DNAH11: variants seen among roughly 807,000 people sequenced by gnomAD.
DNAH11 encodes dynein axonemal heavy chain 11, also known as axonemal beta dynein heavy chain 11.
A neutral mutation model predicts 526.0 loss-of-function variants in DNAH11; 442 were observed. That is an observed-to-expected ratio of 0.84 (90% confidence interval 0.78 to 0.91). The LOEUF (loss-of-function observed/expected upper bound fraction) is 0.91, where lower values mean the gene tolerates loss of function less well. Among genes scored for constraint, DNAH11 ranks in the 40% least tolerant of loss-of-function variants. The pLI is 0.00. For synonymous variants in DNAH11, 2,461 were observed against 1,935.9 expected (o/e 1.27, Z -7.12); for missense variants, 6,989 against 5,448.7 (o/e 1.28, Z -8.90).
At chr7:21,631,103 C>T (rs1479607013) in intron 25 of DNAH11, among the ~76,000 whole-genome samples, 3 of 152,200 alleles carry the variant, frequency 2.0e-5, no homozygotes, top group Admixed American at 6.5e-5. Context: ...AGGCTTGTCT[C>T]ACATGGCAGC....
Position 21,868,015 on chromosome 7 carries a change from GC to G in DNAH11, c.11839+9del, listed in dbSNP as rs764375989. The G allele has an allele frequency of 1.3e-5, 20 of 1,511,318 alleles. No homozygotes were observed. In the East Asian group the frequency reaches 4.5e-4, roughly 34 times the overall value. 93.6% of individuals were successfully genotyped at this position (1,511,318 alleles called of 1,614,324 possible). On this transcript the variant is annotated intron_variant, in intron 72 of 81. Coordinates refer to ENST00000409508, the MANE Select transcript of DNAH11 (RefSeq NM_001277115.2). ...AAGACCTGGAGATTCTTGGTGAGTGGCTGGGAGGCTCGCTGGCCCGCCCCTT... is the reference window on the plus strand; with the variant it reads ...AAGACCTGGAGATTCTTGGTGAGTGGTGGGAGGCTCGCTGGCCCGCCCCTT...
At position 21,866,678 on chromosome 7, in the gene DNAH11, A is replaced by G. The variant is rs896308961; in HGVS notation, c.11690+15A>G. On this transcript the variant is annotated intron_variant, in intron 71 of 81. Transcript: ENST00000409508. ...TATGCTCTCAGGTGGGGTGGTCAGCATTTTTGGAAACATGTATTAGTTAAC... is the reference window on the plus strand; with the variant it reads ...TATGCTCTCAGGTGGGGTGGTCAGCGTTTTTGGAAACATGTATTAGTTAAC... 1.4e-5 allele frequency: 22 copies of G among 1,595,086 alleles called. No homozygotes were observed. Among genetic ancestry groups the G allele is most frequent in the Non-Finnish European group, 1.9e-5 (22 of 1,171,622 alleles).
At chr7:21,859,900 A>C (rs1782993347) in intron 68 of DNAH11, among the ~76,000 whole-genome samples, 1 of 152,158 alleles carries the variant, frequency 6.6e-6, no homozygotes, top group Non-Finnish European at 1.5e-5. Context: ...CGACAACAAA[A>C]CACAGCAAAT....
At chr7:21,593,534 G>A (rs1177070930) in intron 14 of DNAH11, among the ~76,000 whole-genome samples, 2 of 150,764 alleles carry the variant, frequency 1.3e-5, no homozygotes, top group East Asian at 4.1e-4. Flanking sequence ...AGTAATCTAG[G>A]AAGGAGAAAA....
chr7:21,593,643 A>G (rs1169887303), intron 14 of DNAH11, among the ~76,000 whole-genome samples: 1 of 152,136 alleles, frequency 6.6e-6, no homozygotes, highest in Non-Finnish European at 1.5e-5. Flanking sequence ...GTAGTACAGG[A>G]TGGAGGGAAG....
chr7:21,686,322 C>T (rs915681535), intron 32 of DNAH11, among the ~76,000 whole-genome samples: 1 of 152,134 alleles, frequency 6.6e-6, no homozygotes, highest in Non-Finnish European at 1.5e-5. Flanking sequence ...CGTCTCCTGA[C>T]CTCCATGTGT....
chr7:21,625,367 T>C (rs1245185627), intron 25 of DNAH11, among the ~76,000 whole-genome samples: 1 of 152,152 alleles, frequency 6.6e-6, no homozygotes, highest in Non-Finnish European at 1.5e-5. Context: ...TAATAACTCT[T>C]CTTTCATTTC....
intron 79 of DNAH11, among the ~76,000 whole-genome samples, chr7:21,895,891 G>A (rs916197866): frequency 6.6e-6 from 1 of 152,048 alleles, no homozygotes; most frequent in African/African-American, 2.4e-5. Context: ...CACCACATCC[G>A]GTTAATTTTT....
chr7:21,580,231 G>A (rs1004164481), intron 8 of DNAH11, among the ~76,000 whole-genome samples: 13 of 152,138 alleles, frequency 8.5e-5, no homozygotes, highest in Admixed American at 2.6e-4. Flanking sequence ...TTCAGTTAAT[G>A]TTTTGTGACC....
At chr7:21,550,817 T>A (rs911424379) in intron 2 of DNAH11, among the ~76,000 whole-genome samples, 7 of 152,194 alleles carry the variant, frequency 4.6e-5, no homozygotes, top group Non-Finnish European at 1.0e-4. Context: ...GGGAAAGGCT[T>A]CCACCCAGCC....
At chr7:21,597,967 G>T (rs1026643254) in intron 14 of DNAH11, among the ~76,000 whole-genome samples, 1 of 152,100 alleles carries the variant, frequency 6.6e-6, no homozygotes, top group African/African-American at 2.4e-5. Flanking sequence ...GTTCCACCTG[G>T]CTGGTAGGCA....
At chr7:21,788,701 C>G (rs1788301200) in intron 60 of DNAH11, among the ~76,000 whole-genome samples, 1 of 152,050 alleles carries the variant, frequency 6.6e-6, no homozygotes, top group Non-Finnish European at 1.5e-5. Flanking sequence ...TGGATATCTC[C>G]CACCCTCCTT....
Position 21,544,136 on chromosome 7 carries a change from C to T in DNAH11, c.351+540C>T, listed in dbSNP as rs1053877385. Among the ~76,000 whole-genome samples, 11 of 152,290 alleles carry T rather than the reference C, an allele frequency of 7.2e-5. No individual in the cohort carries two copies. In the Middle Eastern group the frequency reaches 0.01, roughly 141 times the overall value. The stretch of plus-strand genomic sequence containing the variant: ...AACATTTAGAGGGAACAGTTCCCTC[C>T]TTTCTTCTTTTTCTTCCTTTTCTTT... On this transcript the variant is annotated intron_variant, in intron 1 of 81. Coordinates refer to ENST00000409508, the MANE Select transcript of DNAH11 (RefSeq NM_001277115.2).
At chr7:21,772,696 T>C (rs553019777) in intron 55 of DNAH11, among the ~76,000 whole-genome samples, 3 of 152,336 alleles carry the variant, frequency 2.0e-5, no homozygotes, top group East Asian at 3.9e-4. Flanking sequence ...TTATTTCAGT[T>C]ACTAGTGAGA....
rs558590370 is a variant in DNAH11 at position 21,583,039 on chromosome 7, C to T, written c.1710+1018C>T. ...AAGTAATTTATAGATTCAATGCTAT[C>T]CCCATCAAGCTACCACTGACTTTCT... On this transcript the variant is annotated intron_variant, in intron 9 of 81. Transcript: ENST00000409508. Among the ~76,000 whole-genome samples, 36 of 152,238 alleles carry T rather than the reference C, an allele frequency of 2.4e-4. No individual in the cohort carries two copies. The East Asian group carries it at 6.8e-3, about 29-fold the overall frequency.
Position 21,789,326 on chromosome 7 carries a change from T to A in DNAH11, c.10010T>A (p.Ile3337Asn). 6.4e-7 allele frequency: 1 copy of A among 1,568,846 alleles called. No homozygotes were observed. ...LAAATEKLEA[I>N]RKKLVDLDRN... ...GCAGCTACTGAAAAACTAGAGGCTA[T>A]CAGGAAAAAGCTTGTGGTGAGTGCA... The change falls in exon 61 of 82, where the codon ATC becomes AAC. Residue 3337 changes from isoleucine (I) to asparagine (N), a missense_variant. Ile to Asn is a moderately radical substitution (Grantham distance 149). Transcript: ENST00000409508.
intron 30 of DNAH11, among the ~76,000 whole-genome samples, chr7:21,664,326 GTTATCT>G (rs1041490206): frequency 2.0e-5 from 3 of 151,678 alleles, no homozygotes; most frequent in African/African-American, 7.3e-5. Flanking sequence ...ATTTTTAAAG[GTTATCT>G]TTATGTCTGG....
Position 21,572,124 on chromosome 7 carries a change from CTTAG to C in DNAH11, c.1593+157_1593+160del, listed in dbSNP as rs571832532. ...TGACTTGCCTGAAGTCTTGTAGCTA[CTTAG>C]TTAGTAGATCAGGGATCAGAACTTA... On this transcript the variant is annotated intron_variant, in intron 8 of 81. Transcript: ENST00000409508. Among the ~76,000 whole-genome samples the C allele has an allele frequency of 1.3e-3, 202 of 152,292 alleles. 1 individual carries two copies. The highest frequency in any genetic ancestry group is 4.6e-3 in the African/African-American group (190 of 41,564).
intron 36 of DNAH11, among the ~76,000 whole-genome samples, chr7:21,701,536 C>T (rs1358654622): frequency 1.3e-5 from 2 of 152,048 alleles, no homozygotes; most frequent in Non-Finnish European, 2.9e-5. Context: ...GCAATCTGCC[C>T]GCCTCAGCCT....
Sources: allele counts gnomAD v4.1 joint callset (sites outside exome capture counted in the v4.1 genomes callset), GRCh38; gene constraint gnomAD v4.1.1; transcripts MANE v1.5; gene names NCBI Gene and HGNC (gene_info 2026-07-23, HGNC 2026-07-21).